Variants in SAMTOR observed in about 807,000 individuals in gnomAD.
SAMTOR encodes the protein UPF0532 protein C7orf60.
At chr7:112,895,747 TA>T in the SAMTOR span, 3 of 1,491,182 alleles carry the variant, frequency 2.0e-6, no homozygotes, top group East Asian at 2.3e-5. Context: ...ACACTACAAG[TA>T]AAAATAAAGT....
At chr7:112,840,214 T>C in the SAMTOR span, among the ~76,000 whole-genome samples, 1 of 151,876 alleles carries the variant, frequency 6.6e-6, no homozygotes, top group African/African-American at 2.4e-5. Context: ...GGTTTTAGAT[T>C]TTTCCTTTTT....
chr7:112,822,106 G>A, the SAMTOR span: 1 of 1,613,808 alleles, frequency 6.2e-7, no homozygotes, highest in Non-Finnish European at 8.5e-7. Context: ...ATCATAGCAT[G>A]ACGGTTCTGA....
chr7:112,880,981 A>C, the SAMTOR span, among the ~76,000 whole-genome samples: 1 of 152,116 alleles, frequency 6.6e-6, no homozygotes, highest in South Asian at 2.1e-4. Flanking sequence ...GTTGGAAGGG[A>C]AAGAGCCCCA....
At chr7:112,920,502 G>A in the SAMTOR span, among the ~76,000 whole-genome samples, 1 of 148,800 alleles carries the variant, frequency 6.7e-6, no homozygotes, top group Non-Finnish European at 1.5e-5. Context: ...CATACTGAAT[G>A]GGCAAAAACT....
the SAMTOR span, chr7:112,939,761 C>A: frequency 6.4e-7 from 1 of 1,573,988 alleles, no homozygotes; most frequent in Admixed American, 1.7e-5. Flanking sequence ...ATCGCAGCCG[C>A]CGCCGCCGCC....
the SAMTOR span, among the ~76,000 whole-genome samples, chr7:112,888,541 T>G: frequency 1.3e-5 from 2 of 152,174 alleles, no homozygotes; most frequent in East Asian, 3.9e-4. Flanking sequence ...TATACACATA[T>G]TCAAAAAGTG....
chr7:112,923,931 A>G, the SAMTOR span, among the ~76,000 whole-genome samples: 1 of 152,234 alleles, frequency 6.6e-6, no homozygotes, highest in East Asian at 1.9e-4. Flanking sequence ...TTCTCAGTAA[A>G]CTATCACAAG....
At chr7:112,872,574 C>G in the SAMTOR span, among the ~76,000 whole-genome samples, 1 of 151,998 alleles carries the variant, frequency 6.6e-6, no homozygotes, top group Non-Finnish European at 1.5e-5. Context: ...AAAATGTCCA[C>G]TCTCATCACT....
At chr7:112,933,055 C>T in the SAMTOR span, among the ~76,000 whole-genome samples, 1 of 152,146 alleles carries the variant, frequency 6.6e-6, no homozygotes, top group African/African-American at 2.4e-5. Flanking sequence ...GGATAATGCC[C>T]AGGAGCCATC....
the SAMTOR span, among the ~76,000 whole-genome samples, chr7:112,833,387 G>T: frequency 1.3e-5 from 2 of 152,030 alleles, no homozygotes; most frequent in African/African-American, 4.8e-5. Context: ...TGTAATACGG[G>T]GATAATAGTG....
the SAMTOR span, among the ~76,000 whole-genome samples, chr7:112,877,072 G>C: frequency 1.2e-4 from 19 of 152,296 alleles, no homozygotes; most frequent in Non-Finnish European, 2.6e-4. Flanking sequence ...CACTGTAAAT[G>C]TAAGAGGGTG....
chr7:112,892,416 C>T, the SAMTOR span, among the ~76,000 whole-genome samples: 1 of 152,002 alleles, frequency 6.6e-6, no homozygotes, highest in Non-Finnish European at 1.5e-5. Context: ...TGGACTTTGC[C>T]CAGATCCATC....
chr7:112,823,135 T>C, the SAMTOR span, among the ~76,000 whole-genome samples: 255 of 152,274 alleles, frequency 1.7e-3, 4 homozygotes, highest in East Asian at 0.011. Flanking sequence ...CCCTCACTCA[T>C]GTTAGTGTAT....
At chr7:112,898,655 G>A in the SAMTOR span, among the ~76,000 whole-genome samples, 2 of 151,260 alleles carry the variant, frequency 1.3e-5, no homozygotes. Context: ...ATCAATGACA[G>A]TTCAAATATG....
At chr7:112,894,172 A>C in the SAMTOR span, among the ~76,000 whole-genome samples, 1 of 136,634 alleles carries the variant, frequency 7.3e-6, no homozygotes, top group Admixed American at 7.7e-5. Context: ...AAAGAGAGAG[A>C]GAAGAGGGGG....
the SAMTOR span, among the ~76,000 whole-genome samples, chr7:112,936,012 G>A: frequency 9.9e-5 from 15 of 152,084 alleles, no homozygotes; most frequent in South Asian, 1.2e-3. Flanking sequence ...AGCGAAACTA[G>A]TTTTTTTAAT....
the SAMTOR span, among the ~76,000 whole-genome samples, chr7:112,864,259 G>A: frequency 3.3e-5 from 5 of 152,072 alleles, no homozygotes; most frequent in African/African-American, 1.2e-4. Flanking sequence ...AAATGGAGAG[G>A]ATCAAGAAAA....
the SAMTOR span, among the ~76,000 whole-genome samples, chr7:112,837,608 T>C: frequency 6.6e-6 from 1 of 152,050 alleles, no homozygotes; most frequent in East Asian, 1.9e-4. Flanking sequence ...CAAATCAATC[T>C]TGCATTCTTT....
the SAMTOR span, among the ~76,000 whole-genome samples, chr7:112,852,481 G>A: frequency 6.6e-6 from 1 of 151,852 alleles, no homozygotes; most frequent in East Asian, 1.9e-4. Context: ...AGGTGGGAGG[G>A]GAGTGGGGGA....
Sources: gnomAD v4.1 joint callset for allele counts (sites outside exome capture counted in the v4.1 genomes callset) on GRCh38, gnomAD v4.1.1 for gene constraint, MANE v1.5 for transcripts, NCBI Gene and HGNC (gene_info 2026-07-23, HGNC 2026-07-21) for gene names.